ADD2: variants seen among roughly 807,000 people sequenced by gnomAD.
ADD2 encodes beta-adducin.
In ADD2, 23 loss-of-function variants were observed where a neutral mutation model predicts 83.0. The ratio of observed to expected loss-of-function variants is 0.28; its 90% confidence interval spans 0.20 to 0.39. The LOEUF is 0.39. Among genes scored for constraint, ADD2 ranks in the 10% least tolerant of loss-of-function variants. ADD2 has a pLI of 1.00. For synonymous variants in ADD2, 375 were observed against 375.4 expected, an observed-to-expected ratio of 1.00 and a Z score of 0.01; for missense variants, 758 against 944.9, an observed-to-expected ratio of 0.80 and a Z score of 2.59.
rs782263313 is a variant in ADD2 at position 70,696,254 on chromosome 2, G to T, written c.465C>A (p.Thr155=). 3.1e-6 allele frequency: 5 copies of T among 1,612,692 alleles called. No individual in the cohort carries two copies. The highest frequency in any genetic ancestry group is 3.3e-5 in the Admixed American group (2 of 59,852). ...DLYGWAQLSD[T]YVTLRVSKEQ... ...AGGGCGTTCTGCTCACCGTGACATA[G>T]GTGTCACTCAGCTGGGCCCAGCCAT... is the stretch of plus-strand genomic sequence containing the variant. The change falls in exon 5 of 16, where the codon ACC becomes ACA. Residue 155 remains threonine (T), a synonymous_variant. Coordinates refer to ENST00000264436, the MANE Select transcript of ADD2 (RefSeq NM_001617.4).
chr2:70,728,636 T>C (rs139346575), intron 1 of ADD2, among the ~76,000 whole-genome samples: 2 of 152,242 alleles, frequency 1.3e-5, no homozygotes, highest in Admixed American at 6.5e-5. Flanking sequence ...ATTGCCCTTT[T>C]GCGAGTTATT....
chr2:70,711,089 T>A (rs1267750441), intron 2 of ADD2: 1 of 152,130 alleles, frequency 6.6e-6, no homozygotes, highest in Non-Finnish European at 1.5e-5. Flanking sequence ...CCCAACCAGA[T>A]AATGGGAACA....
intron 9 of ADD2, among the ~76,000 whole-genome samples, chr2:70,686,053 G>C (rs1181430616): frequency 6.6e-6 from 1 of 152,190 alleles, no homozygotes; most frequent in Non-Finnish European, 1.5e-5. Context: ...TCGCTTGTTT[G>C]CCAAGGTCAC....
Position 70,660,372 on chromosome 2 carries a change from G to A in ADD2, c.*3053C>T, listed in dbSNP as rs1157949993. On this transcript the variant is annotated 3_prime_UTR_variant, in exon 16 of 16. Coordinates refer to ENST00000264436, the MANE Select transcript of ADD2 (RefSeq NM_001617.4). Reference sequence around the variant, plus strand: ...TGTTGGAAACTCACTATCTGCTGTAGAGGAAACATCGTGTAAAGCAGGCCA... The same window carrying A: ...TGTTGGAAACTCACTATCTGCTGTAAAGGAAACATCGTGTAAAGCAGGCCA... 2 of 152,242 alleles carry A rather than the reference G, an allele frequency of 1.3e-5. No individual in the cohort carries two copies. The highest frequency in any genetic ancestry group is 1.3e-4 in the Admixed American group (2 of 15,294). 9.4% of individuals were successfully genotyped at this position (152,242 alleles called of 1,614,324 possible).
chr2:70,667,764 G>A (rs183614901), intron 15 of ADD2, among the ~76,000 whole-genome samples: 134 of 152,172 alleles, frequency 8.8e-4, no homozygotes, highest in African/African-American at 3.0e-3. Context: ...GATTACAGGC[G>A]CATGTCACCA....
chr2:70,745,298 AAAG>A (rs1461947313), intron 1 of ADD2, among the ~76,000 whole-genome samples: 43 of 152,314 alleles, frequency 2.8e-4, no homozygotes, highest in Admixed American at 7.8e-4. Context: ...AATAAAAAAA[AAAG>A]AAGATTTCAA....
rs1454149526 is a variant in ADD2, at chr2:70,666,780, C to G, written c.1871-3045G>C. Reference sequence around the variant, plus strand: ...GTGTCTGGTTTAGGAGAGCAACACCCAAGGTTCTTCTCACCATGTAGAAAG... The same window carrying G: ...GTGTCTGGTTTAGGAGAGCAACACCGAAGGTTCTTCTCACCATGTAGAAAG... On this transcript the variant is annotated intron_variant, in intron 15 of 15. Transcript: ENST00000264436. 5.3e-5 allele frequency among the ~76,000 whole-genome samples: 8 copies of G among 152,184 alleles called. No individual in the cohort carries two copies. The East Asian group carries it at 1.5e-3, about 29-fold the overall frequency.
At chr2:70,671,581 T>C (rs1669897468) in intron 15 of ADD2, among the ~76,000 whole-genome samples, 1 of 152,136 alleles carries the variant, frequency 6.6e-6, no homozygotes, top group South Asian at 2.1e-4. Context: ...GAGACAAGTA[T>C]TCAGAATCGG....
rs1574226966 is a variant in ADD2 at position 70,676,796 on chromosome 2, C to T, written c.1593G>A (p.Pro531=). Residue 531 remains proline (P), a splice_region_variant and synonymous_variant, in exon 13 of 16, where the codon CCG becomes CCA. Transcript: ENST00000264436. The surrounding 1 kb of genome is among the most constrained non-coding windows in gnomAD (Gnocchi z 4.8). ...CAGTCAGGGGCAGCCTCTGCTCTAC[C>T]GGGCTTCGGCTCTTCTCGGCAATGA... is the stretch of plus-strand genomic sequence containing the variant. ...ASVIAEKSRS[P]STESQLMSKG... The T allele has an allele frequency of 1.2e-6, 2 of 1,614,168 alleles. No individual in the cohort carries two copies. The highest frequency in any genetic ancestry group is 1.7e-6 in the Non-Finnish European group (2 of 1,180,004).
chr2:70,696,358 C>T lies in ADD2; in HGVS notation c.361G>A (p.Ala121Thr). ...MMTPINDLHT[A>T]DSLNLAKGER... The stretch of plus-strand genomic sequence containing the variant: ...CCTTTGGCCAGGTTCAGGGAGTCAG[C>T]TGTGTGGAGGTCATTGATAGGCGTC... Residue 121 changes from alanine (A) to threonine (T), a missense_variant, in exon 5 of 16, where the codon GCT becomes ACT. Around this residue, in one of 5 missense-constraint regions of ADD2, gnomAD observed 175 missense variants for 192.1 expected, o/e 0.91. Transcript: ENST00000264436. 6.2e-7 allele frequency: 1 copy of T among 1,614,170 alleles called. No homozygotes were observed. The highest frequency in any genetic ancestry group is 8.5e-7 in the Non-Finnish European group (1 of 1,180,040).
chr2:70,752,096 A>G (rs1484097237), intron 1 of ADD2, among the ~76,000 whole-genome samples: 1 of 152,308 alleles, frequency 6.6e-6, no homozygotes, highest in Admixed American at 6.5e-5. Context: ...TGTAACACAC[A>G]CGCGCTTTGG....
At chr2:70,714,657 G>T (rs782180424) in intron 1 of ADD2, among the ~76,000 whole-genome samples, 38 of 152,184 alleles carry the variant, frequency 2.5e-4, no homozygotes, top group Admixed American at 3.3e-4. Flanking sequence ...GCTAGAACAG[G>T]GTCCTAGCCA....
chr2:70,661,363 TAA>T lies in ADD2; in HGVS notation c.*2060_*2061del, dbSNP rs1308489637. ...ATGAATAAGTGTGAAATCTACTTTT[TAA>T]AAGAAGGCATCAAGGGATTGGCTTT... On this transcript the variant is annotated 3_prime_UTR_variant, in exon 16 of 16. Coordinates refer to ENST00000264436, the MANE Select transcript of ADD2 (RefSeq NM_001617.4). The T allele has an allele frequency of 6.6e-6, 1 of 152,208 alleles. No individual in the cohort carries two copies. Among genetic ancestry groups the T allele is most frequent in the Admixed American group, 6.5e-5 (1 of 15,282 alleles). The allele number at this position is 152,208 out of a possible 1,614,324, so 9.4% of individuals were successfully genotyped here. A position where few individuals can be genotyped will look rare whatever the true frequency, so the allele number is the denominator to read the frequency against.
chr2:70,668,794 C>T (rs1298561532), intron 15 of ADD2, among the ~76,000 whole-genome samples: 6 of 152,186 alleles, frequency 3.9e-5, no homozygotes, highest in Admixed American at 3.9e-4. Flanking sequence ...GGCTCAAACA[C>T]ATGACCTCTT....
rs1469200554 is a variant in ADD2 at position 70,676,342 on chromosome 2, C to T, written c.1593+454G>A. The T allele has an allele frequency of 8.6e-6, 9 of 1,043,044 alleles. No homozygotes were observed. The highest frequency in any genetic ancestry group is 1.0e-5 in the Non-Finnish European group (9 of 867,038). 64.6% of individuals were successfully genotyped at this position (1,043,044 alleles called of 1,614,324 possible). A position where few individuals can be genotyped will look rare whatever the true frequency, so the allele number is the denominator to read the frequency against. On this transcript the variant is annotated intron_variant, in intron 13 of 15. Coordinates refer to ENST00000264436, the MANE Select transcript of ADD2 (RefSeq NM_001617.4). This position sits in a 1 kb window ranked among gnomAD's most constrained non-coding sequence, Gnocchi z 4.8. ...AGGAGCATGGGTCCTGTCTATATAC[C>T]CCTTCTCTATGGGTACATGATCATC...
At chr2:70,741,237 C>G (rs1433091068) in intron 1 of ADD2, 3 of 152,174 alleles carry the variant, frequency 2.0e-5, no homozygotes, top group African/African-American at 7.2e-5. Flanking sequence ...AAAGAAACAG[C>G]CAGTGAGAAA....
intron 15 of ADD2, among the ~76,000 whole-genome samples, chr2:70,664,985 CG>C (rs1675714648): frequency 6.6e-6 from 1 of 151,416 alleles, no homozygotes; most frequent in Admixed American, 6.6e-5. Context: ...TGAATGTGTG[CG>C]AGTGAGTGTG....
In ADD2 at chr2:70,661,496, A is replaced by G. The variant is rs1314797449; in HGVS notation, c.*1929T>C. 1 of 152,186 alleles carries G rather than the reference A, an allele frequency of 6.6e-6. No homozygotes were observed. The highest frequency in any genetic ancestry group is 2.4e-5 in the African/African-American group (1 of 41,448). The allele number at this position is 152,186 out of a possible 1,614,324, so 9.4% of individuals were successfully genotyped here. On this transcript the variant is annotated 3_prime_UTR_variant, in exon 16 of 16. Transcript: ENST00000264436. ...GAACAGAGATGGAGCCTGGGGTAGC[A>G]GTTAGGAATCTGCACTAGAGAGACA... is the stretch of plus-strand genomic sequence containing the variant.
In ADD2 at chr2:70,675,776, C is replaced by T. The variant is rs1250318706; in HGVS notation, c.1594-951G>A. Reference sequence around the variant, plus strand: ...TAATGTAGGGAATCATGGAGTCAACCGAGAATCCAAGACCAAAAACCCAAG... The same window carrying T: ...TAATGTAGGGAATCATGGAGTCAACTGAGAATCCAAGACCAAAAACCCAAG... On this transcript the variant is annotated intron_variant, in intron 13 of 15. Coordinates refer to ENST00000264436, the MANE Select transcript of ADD2 (RefSeq NM_001617.4). 13 of 985,196 alleles carry T rather than the reference C, an allele frequency of 1.3e-5. No homozygotes were observed. The South Asian group carries it at 2.3e-4, about 18-fold the overall frequency. 61.0% of individuals were successfully genotyped at this position (985,196 alleles called of 1,614,324 possible). A position where few individuals can be genotyped will look rare whatever the true frequency, so the allele number is the denominator to read the frequency against.
Sources: allele counts gnomAD v4.1 joint callset (sites outside exome capture counted in the v4.1 genomes callset), GRCh38; gene constraint gnomAD v4.1.1; regional missense constraint gnomAD v4.1.1; non-coding constraint Gnocchi (gnomAD v3.1); transcripts MANE v1.5; gene names NCBI Gene and HGNC (gene_info 2026-07-23, HGNC 2026-07-21).